Variants in ST18 observed in about 807,000 individuals in gnomAD.
The protein encoded by ST18 is suppression of tumorigenicity 18 protein.
ST18 carries 50 observed loss-of-function variants against 110.0 expected under a neutral mutation model. That is an observed-to-expected ratio of 0.45 (90% CI 0.36 to 0.58). The LOEUF is 0.58. Among genes scored for constraint, ST18 ranks in the 20% least tolerant of loss-of-function variants. The pLI, the probability that ST18 is intolerant of heterozygous loss-of-function variation, is 0.00. For missense variants in ST18, 1,306 were observed against 1,280.1 expected (o/e 1.02, Z -0.31); for synonymous variants, 461 against 452.4 (o/e 1.02, Z -0.24).
intron 2 of ST18, among the ~76,000 whole-genome samples, chr8:52,323,138 G>T (rs947394734): frequency 5.3e-5 from 8 of 152,290 alleles, no homozygotes; most frequent in African/African-American, 1.9e-4. Flanking sequence ...GAGGGAAAGA[G>T]CTGGGCTCTA....
intron 9 of ST18, among the ~76,000 whole-genome samples, chr8:52,176,868 T>G (rs1472270957): frequency 6.6e-6 from 1 of 152,242 alleles, no homozygotes; most frequent in Non-Finnish European, 1.5e-5. Context: ...GTTACTTTTA[T>G]AGGTAAATTG....
intron 2 of ST18, chr8:52,406,550 C>G (rs1844574614): frequency 6.6e-6 from 1 of 152,160 alleles, no homozygotes; most frequent in African/African-American, 2.4e-5. Flanking sequence ...TAAACAGAAC[C>G]CCGAACACAT....
At chr8:52,129,764 G>T (rs1336493789) in intron 22 of ST18, among the ~76,000 whole-genome samples, 3 of 152,128 alleles carry the variant, frequency 2.0e-5, no homozygotes, top group African/African-American at 4.8e-5. Flanking sequence ...TAACTTGGAG[G>T]CTGGGTGTGG....
chr8:52,395,592 C>T (rs186811838), intron 2 of ST18, among the ~76,000 whole-genome samples: 2 of 152,132 alleles, frequency 1.3e-5, no homozygotes, highest in Non-Finnish European at 2.9e-5. Context: ...AAATTACAGA[C>T]ACTGACTTTC....
At chr8:52,113,853 C>T (rs906955968) in intron 25 of ST18, among the ~76,000 whole-genome samples, 1 of 150,466 alleles carries the variant, frequency 6.6e-6, no homozygotes, top group Non-Finnish European at 1.5e-5. Context: ...TCCTTTTAGC[C>T]TGTTTCTCTC....
At chr8:52,321,319 A>T (rs535390419) in intron 2 of ST18, among the ~76,000 whole-genome samples, 2 of 152,166 alleles carry the variant, frequency 1.3e-5, no homozygotes, top group Non-Finnish European at 1.5e-5. Context: ...TGGCAACATG[A>T]TAATACTTCT....
intron 2 of ST18, among the ~76,000 whole-genome samples, chr8:52,321,954 C>T (rs1804130698): frequency 6.6e-6 from 1 of 152,166 alleles, no homozygotes; most frequent in Admixed American, 6.5e-5. Flanking sequence ...TAGAGCAAAG[C>T]CATATTTTTA....
intron 2 of ST18, among the ~76,000 whole-genome samples, chr8:52,237,142 A>T (rs1290672225): frequency 1.3e-5 from 2 of 152,206 alleles, no homozygotes; most frequent in Non-Finnish European, 2.9e-5. Flanking sequence ...CATAGTAGAC[A>T]TTCAGTAAAA....
chr8:52,266,584 C>T (rs1354703368), intron 2 of ST18, among the ~76,000 whole-genome samples: 1 of 150,832 alleles, frequency 6.6e-6, no homozygotes, highest in Admixed American at 6.6e-5. Context: ...CTCTGTTGCC[C>T]AGGCTGGAGT....
chr8:52,390,584 T>C (rs1051997320), intron 2 of ST18, among the ~76,000 whole-genome samples: 2 of 152,200 alleles, frequency 1.3e-5, no homozygotes, highest in Admixed American at 6.5e-5. Context: ...TCCCCTTGAT[T>C]TGCTTGCATT....
chr8:52,205,182 A>G (rs930500373), intron 8 of ST18, among the ~76,000 whole-genome samples: 22 of 149,740 alleles, frequency 1.5e-4, no homozygotes, highest in African/African-American at 5.4e-4. Flanking sequence ...TATGTAATTT[A>G]TATAATAATA....
At chr8:52,279,274 A>T (rs1028971404) in intron 2 of ST18, among the ~76,000 whole-genome samples, 2 of 152,168 alleles carry the variant, frequency 1.3e-5, no homozygotes, top group African/African-American at 4.8e-5. Context: ...AAATATAACA[A>T]ATAAAATAAG....
At chr8:52,405,369 C>T (rs935237002) in intron 2 of ST18, 3 of 152,166 alleles carry the variant, frequency 2.0e-5, no homozygotes, top group African/African-American at 7.2e-5. Flanking sequence ...ACTGCCTATG[C>T]GCAGTCCAGT....
intron 2 of ST18, among the ~76,000 whole-genome samples, chr8:52,307,804 T>C (rs574800455): frequency 6.6e-6 from 1 of 152,316 alleles, no homozygotes; most frequent in South Asian, 2.1e-4. Flanking sequence ...TGAAACTCTT[T>C]TCATGACTCA....
At chr8:52,251,457 T>C (rs887569658) in intron 2 of ST18, among the ~76,000 whole-genome samples, 27 of 152,116 alleles carry the variant, frequency 1.8e-4, no homozygotes, top group African/African-American at 4.8e-4. Flanking sequence ...TAATTTCTAA[T>C]GCCTGGAGTT....
intron 2 of ST18, among the ~76,000 whole-genome samples, chr8:52,344,123 T>G (rs1285764075): frequency 6.6e-6 from 1 of 152,186 alleles, no homozygotes; most frequent in Non-Finnish European, 1.5e-5. Flanking sequence ...CAATTTAAAT[T>G]TAGTCAGAAC....
intron 2 of ST18, among the ~76,000 whole-genome samples, chr8:52,250,472 A>AAAAAAAAAC: frequency 6.7e-6 from 1 of 149,620 alleles, no homozygotes; most frequent in African/African-American, 2.5e-5. Flanking sequence ...AAAAAAAAAA[A>AAAAAAAAAC]AAAAAGATCA....
At chr8:52,323,277 T>C (rs1022870362) in intron 2 of ST18, among the ~76,000 whole-genome samples, 1 of 152,250 alleles carries the variant, frequency 6.6e-6, no homozygotes, top group Non-Finnish European at 1.5e-5. Context: ...GATCTGTTTT[T>C]ATTTGAGGTT....
At chr8:52,229,938 G>A (rs1371236315) in intron 3 of ST18, 94 bp downstream of exon 3, 1 of 152,452 alleles carries the variant, frequency 6.6e-6, no homozygotes. Flanking sequence ...CTAAAATGAA[G>A]TTCCTTAACT....
Sources: allele counts gnomAD v4.1 joint callset (sites outside exome capture counted in the v4.1 genomes callset), GRCh38; gene constraint gnomAD v4.1.1; transcripts MANE v1.5; gene names NCBI Gene and HGNC (gene_info 2026-07-23, HGNC 2026-07-21).